Variants in NEK11 observed in about 807,000 individuals in gnomAD.
NEK11 encodes the protein NIMA related kinase 11.
A neutral mutation model predicts 80.7 loss-of-function variants in NEK11; 72 were observed. The observed-to-expected ratio is 0.89, with a 90% CI of 0.74 to 1.08. NEK11 has a LOEUF of 1.08. Among genes scored for constraint, NEK11 ranks in the 50% least tolerant of loss-of-function variants. NEK11 has a pLI of 0.00. For missense variants in NEK11, 764 were observed against 763.6 expected (o/e 1.00, Z -0.01); for synonymous variants, 251 against 260.7 (o/e 0.96, Z 0.36).
At chr3:131,169,668 T>C (rs2092543725) in intron 13 of NEK11, among the ~76,000 whole-genome samples, 1 of 152,168 alleles carries the variant, frequency 6.6e-6, no homozygotes, top group Non-Finnish European at 1.5e-5. Context: ...GAAAAGTACA[T>C]AGCAGATCAG....
intron 11 of NEK11, among the ~76,000 whole-genome samples, chr3:131,164,067 C>T (rs1318307561): frequency 6.6e-6 from 1 of 152,188 alleles, no homozygotes; most frequent in Non-Finnish European, 1.5e-5. Context: ...TGTCCTTGTA[C>T]TTAGAATGAA....
chr3:131,284,701 G>A (rs935807621), intron 17 of NEK11, among the ~76,000 whole-genome samples: 2 of 152,198 alleles, frequency 1.3e-5, no homozygotes, highest in African/African-American at 4.8e-5. Context: ...GAACGTGGAA[G>A]GACTAGACTG....
At chr3:131,253,173 G>A (rs2095740283) in intron 16 of NEK11, among the ~76,000 whole-genome samples, 1 of 152,152 alleles carries the variant, frequency 6.6e-6, no homozygotes, top group African/African-American at 2.4e-5. Context: ...TCCTTGTCAT[G>A]AGGTGGGCTC....
At chr3:131,281,663 C>T (rs1279625623) in intron 17 of NEK11, among the ~76,000 whole-genome samples, 4 of 152,128 alleles carry the variant, frequency 2.6e-5, no homozygotes. Flanking sequence ...TAAATGCATA[C>T]ATAATTTTGG....
At position 131,296,768 on chromosome 3, in the gene NEK11, G is replaced by A. The variant is rs531991828; in HGVS notation, c.1718+23194G>A. On this transcript the variant is annotated intron_variant, in intron 17 of 17. Transcript: ENST00000383366. ...GCTGGTGTGCTGCACCCATTAACTC[G>A]TCATTTAGCATTAGGTATAGCTCCT... Among the ~76,000 whole-genome samples the A allele has an allele frequency of 1.6e-4, 24 of 151,966 alleles. No homozygotes were observed. In the South Asian group the frequency reaches 4.6e-3, roughly 29 times the overall value.
intron 11 of NEK11, among the ~76,000 whole-genome samples, chr3:131,164,351 C>A (rs558257916): frequency 6.6e-6 from 1 of 152,270 alleles, no homozygotes; most frequent in East Asian, 1.9e-4. Context: ...TGCTCTTGAG[C>A]CAATACAAGT....
intron 14 of NEK11, among the ~76,000 whole-genome samples, chr3:131,212,697 G>A (rs1483161391): frequency 1.3e-5 from 2 of 152,282 alleles, no homozygotes; most frequent in South Asian, 2.1e-4. Context: ...GAATTCTACT[G>A]TTAGGGACTT....
chr3:131,142,657 A>C (rs1172460108), intron 7 of NEK11, among the ~76,000 whole-genome samples: 1 of 152,164 alleles, frequency 6.6e-6, no homozygotes, highest in Non-Finnish European at 1.5e-5. Context: ...ATCCTTTCCT[A>C]AGCTGTATGG....
rs151081706 is a variant in NEK11, at chr3:131,211,839, C to G, written c.1400-16689C>G. On this transcript the variant is annotated intron_variant, in intron 14 of 17. Coordinates refer to ENST00000383366, the MANE Select transcript of NEK11 (RefSeq NM_024800.5). ...TCCCTCAGGCCGTTTAATGTCTTCT[C>G]TACACTGTTTATTCTAGTTATCCAT... Among the ~76,000 whole-genome samples, 43 of 152,248 alleles carry G rather than the reference C, an allele frequency of 2.8e-4. 1 individual carries two copies. The highest frequency in any genetic ancestry group is 8.9e-4 in the African/African-American group (37 of 41,550).
chr3:131,219,932 G>A (rs2094963177), intron 14 of NEK11, among the ~76,000 whole-genome samples: 1 of 152,200 alleles, frequency 6.6e-6, no homozygotes, highest in Admixed American at 6.5e-5. Context: ...CCAGAGAAGT[G>A]AAGTAGCCCA....
At chr3:131,134,120 A>G (rs1439401650) in intron 7 of NEK11, 164 bp downstream of exon 7, 8 of 556,018 alleles carry the variant, frequency 1.4e-5, no homozygotes, top group Non-Finnish European at 2.0e-5. Flanking sequence ...AACTCAATAT[A>G]TTTCATTAAA....
chr3:131,198,305 G>T (rs1160920727), intron 14 of NEK11, among the ~76,000 whole-genome samples: 1 of 152,124 alleles, frequency 6.6e-6, no homozygotes, highest in African/African-American at 2.4e-5. Context: ...CCCTCTAAAA[G>T]GTCCCTTCAA....
At chr3:131,301,989 C>G (rs546021337) in intron 17 of NEK11, among the ~76,000 whole-genome samples, 54 of 152,142 alleles carry the variant, frequency 3.5e-4, no homozygotes, top group African/African-American at 1.2e-3. Context: ...TGGTATGGGA[C>G]TTTTTCTTGT....
intron 17 of NEK11, among the ~76,000 whole-genome samples, chr3:131,318,739 G>GTA (rs35126140): frequency 0.099 from 14,331 of 145,358 alleles, 863 homozygotes; most frequent in East Asian, 0.23. Context: ...GTGTACATGT[G>GTA]TATATATATA....
intron 17 of NEK11, among the ~76,000 whole-genome samples, chr3:131,300,516 T>C (rs2096649550): frequency 6.6e-6 from 1 of 152,254 alleles, no homozygotes; most frequent in East Asian, 1.9e-4. Context: ...GTTTTAGGTT[T>C]TACATTTAAG....
chr3:131,059,637 A>AC (rs1425190164), intron 3 of NEK11, among the ~76,000 whole-genome samples: 1 of 152,206 alleles, frequency 6.6e-6, no homozygotes, highest in Non-Finnish European at 1.5e-5. Context: ...CGTTTAATGG[A>AC]CTTGTATCAA....
intron 17 of NEK11, among the ~76,000 whole-genome samples, chr3:131,300,890 A>G (rs1171405575): frequency 2.0e-5 from 3 of 152,212 alleles, no homozygotes; most frequent in African/African-American, 7.2e-5. Context: ...TGAATTTTAA[A>G]ATAGTTTTTT....
intron 17 of NEK11, among the ~76,000 whole-genome samples, chr3:131,331,959 G>C (rs143920692): frequency 2.0e-5 from 3 of 152,316 alleles, no homozygotes; most frequent in Non-Finnish European, 2.9e-5. Flanking sequence ...CAAAGCAGCC[G>C]GGAAGCTTGA....
chr3:131,031,173 T>C (rs1422474943), intron 3 of NEK11, among the ~76,000 whole-genome samples: 1 of 152,224 alleles, frequency 6.6e-6, no homozygotes, highest in African/African-American at 2.4e-5. Context: ...CTCAATCTTT[T>C]AAATGGTCTC....
Sources: gnomAD v4.1 joint callset for allele counts (sites outside exome capture counted in the v4.1 genomes callset) on GRCh38, gnomAD v4.1.1 for gene constraint, MANE v1.5 for transcripts, NCBI Gene and HGNC (gene_info 2026-07-23, HGNC 2026-07-21) for gene names.